Variants in PRG3 observed in about 807,000 individuals in gnomAD.
The protein encoded by PRG3 is proteoglycan 3, pro eosinophil major basic protein 2.
PRG3 carries 25 observed loss-of-function variants against 26.1 expected under a neutral mutation model. The ratio of observed to expected loss-of-function variants is 0.96; its 90% CI spans 0.70 to 1.34. The LOEUF is 1.34. Among genes scored for constraint, PRG3 ranks in the 40% most tolerant of loss-of-function variants. PRG3 has a pLI of 0.00. For missense variants in PRG3, 280 were observed against 264.8 expected (o/e 1.06, Z -0.40); for synonymous variants, 111 against 100.4 (o/e 1.11, Z -0.63).
At chr11:57,380,811 T>G (rs1463157947) in intron 1 of PRG3, 30 bp from the exon 2 acceptor site, 13 of 806,330 alleles carry the variant, frequency 1.6e-5, no homozygotes, top group Non-Finnish European at 2.4e-5. Flanking sequence ...GAATATTTGT[T>G]TAATTGTTTG....
intron 2 of PRG3, among the ~76,000 whole-genome samples, chr11:57,380,447 C>A (rs1188555761): frequency 6.6e-5 from 10 of 150,472 alleles, no homozygotes; most frequent in African/African-American, 2.4e-4. Context: ...ACAACAACAA[C>A]AAAAAAAAAT....
chr11:57,377,898 C>T (rs1856959976), intron 4 of PRG3, 62 bp from the exon 5 acceptor site: 1 of 1,367,534 alleles, frequency 7.3e-7, no homozygotes, highest in African/African-American at 1.4e-5. Context: ...CATGGAATAC[C>T]CCCTGTTGAC....
chr11:57,378,693 G>A lies in PRG3; in HGVS notation c.495C>T (p.Asn165=), dbSNP rs1856968571. Residue 165 remains asparagine, a synonymous_variant, in exon 4 of 6, where the codon AAC becomes AAT. Transcript: ENST00000287143. ...GCCCCTGACTTACCCAGCCCCTGAGGTTGCCTCCAATCCAGACCTGGGCTT... is the reference window on the plus strand; with the variant it reads ...GCCCCTGACTTACCCAGCCCCTGAGATTGCCTCCAATCCAGACCTGGGCTT... The part of the protein sequence containing the change: ...VNQAQVWIGG[N]LRGWFLWKRF... 1.9e-6 allele frequency: 3 copies of A among 1,613,430 alleles called. No homozygotes were observed. The highest frequency in any genetic ancestry group is 1.3e-5 in the African/African-American group (1 of 74,926).
In PRG3 at chr11:57,379,732, T is replaced by G. The variant is rs763718299; in HGVS notation, c.137A>C (p.Gln46Pro). ...LGQDLDSSKE[Q>P]ERDLALTEEV... Reference sequence around the variant, plus strand: ...CTCCGTCAGAGCCAAGTCTCTCTCCTGCTCCTTTGAACTATCCAGATCCTG... The same window carrying G: ...CTCCGTCAGAGCCAAGTCTCTCTCCGGCTCCTTTGAACTATCCAGATCCTG... The change falls in exon 3 of 6, where the codon CAG becomes CCG. Residue 46 changes from glutamine to proline, a missense_variant. By Grantham distance (76) the Gln-to-Pro change is moderately conservative. Transcript: ENST00000287143. The G allele has an allele frequency of 1.2e-6, 2 of 1,613,884 alleles. No individual in the cohort carries two copies. The highest frequency in any genetic ancestry group is 1.7e-6 in the Non-Finnish European group (2 of 1,180,022).
intron 3 of PRG3, 152 bp downstream of exon 3, chr11:57,379,342 G>A (rs1431416919): frequency 1.2e-5 from 10 of 801,474 alleles, no homozygotes; most frequent in African/African-American, 1.7e-5. Context: ...TCGTGCAGGT[G>A]AGGCCCAGAA....
At chr11:57,378,897 A>G in intron 3 of PRG3, 85 bp from the exon 4 acceptor site, 1 of 1,549,868 alleles carries the variant, frequency 6.5e-7, no homozygotes. Context: ...ATCCCTTTTC[A>G]GGTTAAAAAT....
At position 57,377,665 on chromosome 11, in the gene PRG3, G is replaced by A. The variant is rs1856957550; in HGVS notation, c.619+60C>T. The A allele has an allele frequency of 2.9e-6, 4 of 1,373,632 alleles. No homozygotes were observed. In the South Asian group the frequency reaches 3.7e-5, roughly 13 times the overall value. The allele number at this position is 1,373,632 out of a possible 1,614,324, so 85.1% of individuals were successfully genotyped here. A position where few individuals can be genotyped will look rare whatever the true frequency, so the allele number is the denominator to read the frequency against. On this transcript the variant is annotated intron_variant, in intron 5 of 5. Coordinates refer to ENST00000287143, the MANE Select transcript of PRG3 (RefSeq NM_006093.4). ...AGGTGTGTTCAGGCAGCTCAAAGGG[G>A]TAGTATTAAGAATCCACTTTACTAT...
At chr11:57,378,339 T>C (rs1458199326) in intron 4 of PRG3, among the ~76,000 whole-genome samples, 5 of 152,074 alleles carry the variant, frequency 3.3e-5, no homozygotes, top group African/African-American at 1.2e-4. Context: ...CTCTGTCTCA[T>C]GACTCCAGTG....
intron 3 of PRG3, 130 bp from the exon 4 acceptor site, chr11:57,378,942 T>C: frequency 9.7e-7 from 1 of 1,029,832 alleles, no homozygotes; most frequent in Non-Finnish European, 1.4e-6. Flanking sequence ...TATCTTTTGC[T>C]TCTTAATTAG....
chr11:57,378,960 G>A lies in PRG3; in HGVS notation c.376-148C>T, dbSNP rs947798427. On this transcript the variant is annotated intron_variant, in intron 3 of 5. Transcript: ENST00000287143. ...CTTTTGCTTCTTAATTAGCTGTCAG[G>A]ACAATCCTACAGGAAATGATAATAC... 22 of 847,708 alleles carry A rather than the reference G, an allele frequency of 2.6e-5. No individual in the cohort carries two copies. In the South Asian group the frequency reaches 3.2e-4, roughly 12 times the overall value. The allele number at this position is 847,708 out of a possible 1,614,324, so 52.5% of individuals were successfully genotyped here.
Position 57,380,590 on chromosome 11 carries a change from G to T in PRG3, c.61+58C>A. 5 of 1,420,556 alleles carry T rather than the reference G, an allele frequency of 3.5e-6. No homozygotes were observed. In the South Asian group the frequency reaches 6.7e-5, roughly 19 times the overall value. 88.0% of individuals were successfully genotyped at this position (1,420,556 alleles called of 1,614,324 possible). ...AGTGCAAATAAAAGCGGGGGGAGGG[G>T]AGTGTAGGAAAAAGGAAAAAAGGGA... On this transcript the variant is annotated intron_variant, in intron 2 of 5. Coordinates refer to ENST00000287143, the MANE Select transcript of PRG3 (RefSeq NM_006093.4).
At chr11:57,379,021 A>C (rs1856972372) in intron 3 of PRG3, among the ~76,000 whole-genome samples, 1 of 152,220 alleles carries the variant, frequency 6.6e-6, no homozygotes, top group African/African-American at 2.4e-5. Context: ...TTGAGAGTTT[A>C]TTACAGCCCA....
intron 5 of PRG3, among the ~76,000 whole-genome samples, 159 bp downstream of exon 5, chr11:57,377,566 G>A (rs1856956919): frequency 6.6e-6 from 1 of 152,190 alleles, no homozygotes; most frequent in Non-Finnish European, 1.5e-5. Context: ...TTGCTTTGAG[G>A]ATTCCCTATG....
Position 57,377,852 on chromosome 11 carries a change from G to A in PRG3, c.508-16C>T. 6.2e-7 allele frequency: 1 copy of A among 1,601,956 alleles called. No individual in the cohort carries two copies. On this transcript the variant is annotated splice_polypyrimidine_tract_variant and intron_variant, in intron 4 of 5. Coordinates refer to ENST00000287143, the MANE Select transcript of PRG3 (RefSeq NM_006093.4). ...TCCACAGGAACTAGAGAAGTGACAG[G>A]CTAGGTCAGAGGGCAGAAGTTCAGA... is the stretch of plus-strand genomic sequence containing the variant.
In PRG3 at chr11:57,378,768, A is replaced by G. The variant is rs1307330868; in HGVS notation, c.420T>C (p.His140=). ...GAATGCGATAGTTGAAGTTGAAGTC[A>G]TGGATAGAGACAAGGTTGCCTCCGT... is the stretch of plus-strand genomic sequence containing the variant. ...RCYGGNLVSI[H]DFNFNYRIQC... is the part of the protein sequence containing the mutation. Residue 140 remains histidine (H), a synonymous_variant, in exon 4 of 6, where the codon CAT becomes CAC. Coordinates refer to ENST00000287143, the MANE Select transcript of PRG3 (RefSeq NM_006093.4). 3 of 1,613,850 alleles carry G rather than the reference A, an allele frequency of 1.9e-6. No individual in the cohort carries two copies. The highest frequency in any genetic ancestry group is 1.1e-5 in the South Asian group (1 of 91,080).
chr11:57,379,142 A>G (rs1192653678), intron 3 of PRG3, among the ~76,000 whole-genome samples: 2 of 152,228 alleles, frequency 1.3e-5, no homozygotes, highest in African/African-American at 4.8e-5. Context: ...AAAGCTTTGA[A>G]AGGCAAAGCA....
Position 57,376,865 on chromosome 11 carries a change from G to T in PRG3, c.663C>A (p.Phe221Leu). ...TGCCGCTGGCTTAGAAGGAGCAGAC[G>T]AAGGGCAGTTGCTTGTCGCATTGAG... ...RRAQCDKQLP[F>L]VCSF The change falls in exon 6 of 6, where the codon TTC (phenylalanine) becomes TTA (leucine). Residue 221 changes from phenylalanine to leucine, a missense_variant. Physicochemically the swap from Phe to Leu is conservative, Grantham distance 22. Coordinates refer to ENST00000287143, the MANE Select transcript of PRG3 (RefSeq NM_006093.4). 6.2e-7 allele frequency: 1 copy of T among 1,612,598 alleles called. No individual in the cohort carries two copies. Among genetic ancestry groups the T allele is most frequent in the African/African-American group, 1.3e-5 (1 of 75,038 alleles).
intron 5 of PRG3, 105 bp downstream of exon 5, chr11:57,377,620 G>T: frequency 1.1e-6 from 1 of 913,582 alleles, no homozygotes; most frequent in South Asian, 1.7e-5. Flanking sequence ...TTCAGTCAGC[G>T]GGAGGGTCTG....
In PRG3 at chr11:57,379,608, G is replaced by T. The variant is rs758800347; in HGVS notation, c.261C>A (p.Asp87Glu). The change falls in exon 3 of 6, where the codon GAC becomes GAA. Residue 87 changes from aspartate to glutamate, a missense_variant. Asp to Glu is a conservative substitution (Grantham distance 45). Transcript: ENST00000287143. ...EAMESDPAAL[D>E]KDFQCPREED... is the part of the protein sequence containing the mutation. Reference sequence around the variant, plus strand: ...CTTCCCTGGGGCACTGGAAGTCCTTGTCTAAGGCAGCTGGGTCCGACTCCA... The same window carrying T: ...CTTCCCTGGGGCACTGGAAGTCCTTTTCTAAGGCAGCTGGGTCCGACTCCA... 1 of 1,613,944 alleles carries T rather than the reference G, an allele frequency of 6.2e-7. No individual in the cohort carries two copies. The highest frequency in any genetic ancestry group is 1.1e-5 in the South Asian group (1 of 91,074).
Sources: gnomAD v4.1 joint callset for allele counts (sites outside exome capture counted in the v4.1 genomes callset) on GRCh38, gnomAD v4.1.1 for gene constraint, MANE v1.5 for transcripts, NCBI Gene and HGNC (gene_info 2026-07-23, HGNC 2026-07-21) for gene names.